Variants in PTPRM observed in about 807,000 individuals in gnomAD.
PTPRM encodes the protein protein tyrosine phosphatase receptor type M.
A neutral mutation model predicts 186.7 loss-of-function variants in PTPRM; 47 were observed. The observed-to-expected ratio is 0.25, with a 90% confidence interval of 0.20 to 0.32. The LOEUF is 0.32. Ranked by LOEUF, PTPRM falls within the 10% of genes least tolerant of loss-of-function variation. The pLI is 1.00. For synonymous variants in PTPRM, 668 were observed against 674.9 expected, an observed-to-expected ratio of 0.99 and a Z score of 0.16; for missense variants, 1,494 against 1,865.0, an observed-to-expected ratio of 0.80 and a Z score of 3.66.
At chr18:8,384,459 T>TA (rs375563435) in intron 29 of PTPRM, 102 bp from the exon 30 acceptor site, 1,011 of 1,319,996 alleles carry the variant, frequency 7.7e-4, no homozygotes, top group African/African-American at 1.8e-3. Context: ...CCCTATCTCT[T>TA]AAAAAAAAAG....
At chr18:8,176,171 C>T (rs547604305) in intron 14 of PTPRM, among the ~76,000 whole-genome samples, 4 of 151,206 alleles carry the variant, frequency 2.6e-5, no homozygotes, top group Non-Finnish European at 1.5e-5. Context: ...GTATTTGGAG[C>T]GATTAATGAA....
At chr18:8,393,705 A>C (rs1362121430) in intron 31 of PTPRM, among the ~76,000 whole-genome samples, 2 of 152,236 alleles carry the variant, frequency 1.3e-5, no homozygotes, top group Non-Finnish European at 2.9e-5. Flanking sequence ...CACATCTAAC[A>C]TGGGTTCATA....
intron 1 of PTPRM, among the ~76,000 whole-genome samples, chr18:7,617,252 G>A (rs574201225): frequency 2.5e-4 from 38 of 152,254 alleles, no homozygotes; most frequent in African/African-American, 9.1e-4. Flanking sequence ...GTTTGGAAAA[G>A]GGACATTTGG....
intron 31 of PTPRM, among the ~76,000 whole-genome samples, chr18:8,388,430 C>T (rs1193505277): frequency 1.3e-5 from 2 of 152,172 alleles, no homozygotes; most frequent in East Asian, 3.9e-4. Flanking sequence ...CCTCCTACCC[C>T]GGGCCTGCAA....
At chr18:7,922,181 C>G (rs2050905240) in intron 4 of PTPRM, among the ~76,000 whole-genome samples, 1 of 152,072 alleles carries the variant, frequency 6.6e-6, no homozygotes. Context: ...TGAGAGGTCC[C>G]AAAAGGGATA....
At chr18:8,051,227 C>G (rs559935584) in intron 7 of PTPRM, among the ~76,000 whole-genome samples, 1 of 152,228 alleles carries the variant, frequency 6.6e-6, no homozygotes, top group South Asian at 2.1e-4. Flanking sequence ...ATACTGTTAT[C>G]CAGAAAAGAA....
intron 7 of PTPRM, among the ~76,000 whole-genome samples, chr18:7,963,028 A>T (rs770293626): frequency 6.6e-6 from 1 of 152,278 alleles, no homozygotes; most frequent in African/African-American, 2.4e-5. Flanking sequence ...TTCTAATTCT[A>T]AAACAGTTCT....
At chr18:7,968,362 G>C (rs981335447) in intron 7 of PTPRM, among the ~76,000 whole-genome samples, 1 of 147,846 alleles carries the variant, frequency 6.8e-6, no homozygotes, top group Admixed American at 6.7e-5. Flanking sequence ...ATGCCAAAAT[G>C]TAAAGACCAT....
At chr18:7,993,601 C>G (rs994710217) in intron 7 of PTPRM, among the ~76,000 whole-genome samples, 1 of 152,026 alleles carries the variant, frequency 6.6e-6, no homozygotes, top group African/African-American at 2.4e-5. Context: ...AAAAAGACTC[C>G]TGGTGAAGAA....
At chr18:7,842,887 G>GTGTGTA (rs373873606) in intron 2 of PTPRM, among the ~76,000 whole-genome samples, 40 of 127,212 alleles carry the variant, frequency 3.1e-4, no homozygotes, top group Admixed American at 8.8e-4. Flanking sequence ...TTTCTCGTGT[G>GTGTGTA]TATATATATA....
intron 19 of PTPRM, among the ~76,000 whole-genome samples, chr18:8,295,898 G>T (rs2147876321): frequency 6.6e-6 from 1 of 152,286 alleles, no homozygotes; most frequent in South Asian, 2.1e-4. Context: ...ATTTTAGCCT[G>T]GAAGTCATAA....
chr18:7,931,129 A>T (rs2051459055), intron 5 of PTPRM, among the ~76,000 whole-genome samples: 1 of 152,178 alleles, frequency 6.6e-6, no homozygotes, highest in Non-Finnish European at 1.5e-5. Context: ...GATACTTGTG[A>T]TATGTTATCG....
chr18:7,782,857 A>T (rs143987599), intron 2 of PTPRM, among the ~76,000 whole-genome samples: 1 of 152,296 alleles, frequency 6.6e-6, no homozygotes, highest in African/African-American at 2.4e-5. Context: ...ATTATGTATG[A>T]CCACTTATTT....
intron 7 of PTPRM, among the ~76,000 whole-genome samples, chr18:7,996,150 T>C (rs1191190822): frequency 6.6e-6 from 1 of 151,974 alleles, no homozygotes; most frequent in Non-Finnish European, 1.5e-5. Context: ...ATCCATTTAC[T>C]CTTTTTTTCC....
intron 2 of PTPRM, among the ~76,000 whole-genome samples, chr18:7,856,404 C>T (rs1231374889): frequency 6.6e-6 from 1 of 152,124 alleles, no homozygotes; most frequent in Non-Finnish European, 1.5e-5. Flanking sequence ...TACCTAGTCA[C>T]CCGTCTCTAC....
intron 2 of PTPRM, among the ~76,000 whole-genome samples, chr18:7,793,256 G>A (rs763442247): frequency 3.9e-5 from 6 of 152,108 alleles, no homozygotes; most frequent in East Asian, 1.9e-4. Context: ...TCCTCACTAC[G>A]TGACCTCATT....
At chr18:7,818,605 C>T (rs1248042558) in intron 2 of PTPRM, among the ~76,000 whole-genome samples, 1 of 152,208 alleles carries the variant, frequency 6.6e-6, no homozygotes, top group African/African-American at 2.4e-5. Flanking sequence ...TTAATCCTCT[C>T]TTTCTTTTAG....
intron 1 of PTPRM, among the ~76,000 whole-genome samples, chr18:7,570,522 C>G (rs967001039): frequency 3.9e-5 from 6 of 152,166 alleles, no homozygotes; most frequent in African/African-American, 1.4e-4. Context: ...TAATGAGAAT[C>G]TTGATCATTT....
intron 1 of PTPRM, among the ~76,000 whole-genome samples, chr18:7,632,686 A>G (rs1049038193): frequency 2.0e-5 from 3 of 152,220 alleles, no homozygotes; most frequent in African/African-American, 7.2e-5. Context: ...GCTGCATGTT[A>G]CAGCTGATAA....
Sources: allele counts gnomAD v4.1 joint callset (sites outside exome capture counted in the v4.1 genomes callset), GRCh38; gene constraint gnomAD v4.1.1; transcripts MANE v1.5; gene names NCBI Gene and HGNC (gene_info 2026-07-23, HGNC 2026-07-21).